MOSMO: variants seen among roughly 807,000 people sequenced by gnomAD.
MOSMO encodes the protein modulator of smoothened, also known as modulator of smoothened protein.
MOSMO carries 5 observed loss-of-function variants against 18.4 expected under a neutral mutation model. That is an observed-to-expected ratio of 0.27 (90% CI 0.14 to 0.57). MOSMO has a LOEUF of 0.57. Ranked by LOEUF, MOSMO falls within the 20% of genes least tolerant of loss-of-function variation. The pLI, the probability that MOSMO is intolerant of heterozygous loss-of-function variation, is 0.92. For synonymous variants in MOSMO, 82 were observed against 82.3 expected (o/e 1.00, Z 0.02); for missense variants, 138 against 211.8 (o/e 0.65, Z 2.16).
chr16:22,008,418 G>A lies in MOSMO; in HGVS notation c.106+11G>A. On this transcript the variant is annotated intron_variant, in intron 1 of 2. Coordinates refer to ENST00000542527, the MANE Select transcript of MOSMO (RefSeq NM_001164579.2). ...CCGGGGAGTCTGCGGGTGAGCCGCT[G>A]GCGCGCCGGGCCGGGCGGGGGATTG... 1 of 1,268,912 alleles carries A rather than the reference G, an allele frequency of 7.9e-7. No homozygotes were observed. The highest frequency in any genetic ancestry group is 1.0e-6 in the Non-Finnish European group (1 of 985,872). The allele number at this position is 1,268,912 out of a possible 1,614,324, so 78.6% of individuals were successfully genotyped here.
At chr16:22,016,569 A>C (rs1899641710) in intron 1 of MOSMO, among the ~76,000 whole-genome samples, 3 of 152,214 alleles carry the variant, frequency 2.0e-5, no homozygotes, top group Admixed American at 6.5e-5. Flanking sequence ...TGTAACTACC[A>C]AAACCAAGGA....
At chr16:22,014,946 A>G (rs1899607618) in intron 1 of MOSMO, among the ~76,000 whole-genome samples, 1 of 152,140 alleles carries the variant, frequency 6.6e-6, no homozygotes, top group Non-Finnish European at 1.5e-5. Context: ...ATTGAGATGT[A>G]ATTCACATAA....
chr16:22,059,444 G>T (rs1019156104), intron 1 of MOSMO, among the ~76,000 whole-genome samples: 1 of 152,084 alleles, frequency 6.6e-6, no homozygotes, highest in African/African-American at 2.4e-5. Context: ...CCTCAGTCTG[G>T]GATTAAGATG....
At chr16:22,016,968 AGT>A (rs1211149374) in intron 1 of MOSMO, among the ~76,000 whole-genome samples, 2 of 152,176 alleles carry the variant, frequency 1.3e-5, no homozygotes, top group African/African-American at 4.8e-5. Flanking sequence ...CTCACCTCAA[AGT>A]GTGAAAATAA....
intron 1 of MOSMO, among the ~76,000 whole-genome samples, chr16:22,035,374 C>A (rs1201165322): frequency 1.3e-5 from 2 of 151,268 alleles, no homozygotes; most frequent in Admixed American, 6.6e-5. Flanking sequence ...TTTCCCCTTT[C>A]CCCTGCCAGA....
At chr16:22,023,997 T>TTTTATATATATATATATATATA (rs371289654) in intron 1 of MOSMO, among the ~76,000 whole-genome samples, 1 of 126,314 alleles carries the variant, frequency 7.9e-6, no homozygotes, top group African/African-American at 3.7e-5. Context: ...TTTGTACAAA[T>TTTTATATATATATATATATATA]TATATATATA....
chr16:22,043,747 A>G (rs2141733950), intron 1 of MOSMO, among the ~76,000 whole-genome samples: 1 of 152,340 alleles, frequency 6.6e-6, no homozygotes, highest in Middle Eastern at 3.4e-3. Flanking sequence ...GGTTCTGTAT[A>G]CCAGCAGTTG....
intron 2 of MOSMO, among the ~76,000 whole-genome samples, chr16:22,077,895 G>A (rs746119301): frequency 1.4e-4 from 21 of 152,102 alleles, no homozygotes; most frequent in African/African-American, 4.8e-4. Context: ...AGTTCTGAGA[G>A]GGATTGGGCG....
rs578158630 is a variant in MOSMO at position 22,058,532 on chromosome 16, G to A, written c.107-16955G>A. ...GAGAATTTACTTTGACTTGGGTTGGGATGTTGGACATGTAGACAGAGAGGA... is the reference window on the plus strand; with the variant it reads ...GAGAATTTACTTTGACTTGGGTTGGAATGTTGGACATGTAGACAGAGAGGA... On this transcript the variant is annotated intron_variant, in intron 1 of 2. Transcript: ENST00000542527. 2.6e-5 allele frequency among the ~76,000 whole-genome samples: 4 copies of A among 152,242 alleles called. No homozygotes were observed. In the South Asian group the frequency reaches 8.3e-4, roughly 32 times the overall value.
At chr16:22,075,955 TAA>T (rs1900959284) in intron 2 of MOSMO, 2 of 371,938 alleles carry the variant, frequency 5.4e-6, no homozygotes, top group Admixed American at 3.9e-5. Flanking sequence ...GATTGTGACA[TAA>T]GTGTTCCAGG....
chr16:22,014,727 A>G (rs1385609793), intron 1 of MOSMO, among the ~76,000 whole-genome samples: 2 of 152,208 alleles, frequency 1.3e-5, no homozygotes, highest in African/African-American at 4.8e-5. Context: ...TTTGACATGA[A>G]AGAACTCTGT....
intron 1 of MOSMO, among the ~76,000 whole-genome samples, chr16:22,050,560 A>G (rs994215417): frequency 6.6e-5 from 10 of 152,174 alleles, no homozygotes; most frequent in African/African-American, 2.4e-4. Context: ...ACAGTGCCCA[A>G]GACAACCCCA....
rs538923612 is a variant in MOSMO at position 22,073,994 on chromosome 16, G to A, written c.107-1493G>A. On this transcript the variant is annotated intron_variant, in intron 1 of 2. Transcript: ENST00000542527. ...GGAGGACTCAAACTCAACTTTGAGA[G>A]AACTGATTTCTTGTTTCATTTTATT... Among the ~76,000 whole-genome samples the A allele has an allele frequency of 4.6e-5, 7 of 152,250 alleles. No individual in the cohort carries two copies. The East Asian group carries it at 1.4e-3, about 29-fold the overall frequency.
At chr16:22,066,035 A>G (rs1014834021) in intron 1 of MOSMO, among the ~76,000 whole-genome samples, 5 of 152,200 alleles carry the variant, frequency 3.3e-5, no homozygotes, top group African/African-American at 9.6e-5. Context: ...CAATTGTGCT[A>G]ATTCCATCTA....
chr16:22,043,779 G>C (rs1040901824), intron 1 of MOSMO, among the ~76,000 whole-genome samples: 2 of 152,120 alleles, frequency 1.3e-5, no homozygotes, highest in African/African-American at 4.8e-5. Context: ...GTAGAGACTT[G>C]CCTTAAATAT....
rs536066783 is a variant in MOSMO, at chr16:22,077,535, G to T, written c.319+1836G>T. Among the ~76,000 whole-genome samples, 13 of 152,116 alleles carry T rather than the reference G, an allele frequency of 8.5e-5. No individual in the cohort carries two copies. In the East Asian group the frequency reaches 2.3e-3, roughly 27 times the overall value. The stretch of plus-strand genomic sequence containing the variant: ...GCAACCATTTTTACCAGTTTCTGGG[G>T]TTTCCTACTAGAGGTATTCAGTGCA... On this transcript the variant is annotated intron_variant, in intron 2 of 2. Coordinates refer to ENST00000542527, the MANE Select transcript of MOSMO (RefSeq NM_001164579.2).
At chr16:22,047,281 G>T (rs1223137863) in intron 1 of MOSMO, among the ~76,000 whole-genome samples, 2 of 114,576 alleles carry the variant, frequency 1.7e-5, no homozygotes, top group African/African-American at 3.4e-5. Flanking sequence ...GTCTTGCTCT[G>T]TCGCCAAGGC....
At chr16:22,037,074 A>C (rs1359955250) in intron 1 of MOSMO, among the ~76,000 whole-genome samples, 2 of 152,148 alleles carry the variant, frequency 1.3e-5, no homozygotes, top group East Asian at 3.9e-4. Context: ...CCTGAAGGTC[A>C]CCAGCATTTT....
chr16:22,068,286 C>T (rs1437870007), intron 1 of MOSMO, among the ~76,000 whole-genome samples: 2 of 152,036 alleles, frequency 1.3e-5, no homozygotes, highest in African/African-American at 2.4e-5. Flanking sequence ...GTAAAGTTTC[C>T]GTATGCTACT....
Sources: allele counts gnomAD v4.1 joint callset (sites outside exome capture counted in the v4.1 genomes callset), GRCh38; gene constraint gnomAD v4.1.1; transcripts MANE v1.5; gene names NCBI Gene and HGNC (gene_info 2026-07-23, HGNC 2026-07-21).